AGBL4: variants seen among roughly 807,000 people sequenced by gnomAD.
AGBL4 encodes AGBL carboxypeptidase 4.
A neutral mutation model predicts 66.4 loss-of-function variants in AGBL4; 58 were observed. The observed-to-expected ratio is 0.87, with a 90% CI of 0.71 to 1.09. The LOEUF (loss-of-function observed/expected upper bound fraction) is 1.09, where lower values mean the gene tolerates loss of function less well. Ranked by LOEUF, AGBL4 falls within the 50% of genes least tolerant of loss-of-function variation. AGBL4 has a pLI of 0.00. For synonymous variants in AGBL4, 234 were observed against 222.9 expected (o/e 1.05, Z -0.44); for missense variants, 579 against 631.0 (o/e 0.92, Z 0.88).
chr1:49,415,454 A>G lies in AGBL4; in HGVS notation c.283-169590T>C, dbSNP rs189079777. On this transcript the variant is annotated intron_variant, in intron 3 of 13. Coordinates refer to ENST00000371839, the MANE Select transcript of AGBL4 (RefSeq NM_032785.4). ...TTAATTGGAGATGGTGTTAGAATAG[A>G]AAAAGCATTGAACTTCATATCAGGG... Among the ~76,000 whole-genome samples, 18 of 152,274 alleles carry G rather than the reference A, an allele frequency of 1.2e-4. No individual in the cohort carries two copies. In the East Asian group the frequency reaches 2.7e-3, roughly 23 times the overall value.
At chr1:49,477,126 G>A (rs1038736569) in intron 3 of AGBL4, among the ~76,000 whole-genome samples, 1 of 152,124 alleles carries the variant, frequency 6.6e-6, no homozygotes, top group Non-Finnish European at 1.5e-5. Flanking sequence ...CTGGACCCAT[G>A]CAGGGCCTTG....
intron 3 of AGBL4, among the ~76,000 whole-genome samples, chr1:49,499,888 C>G (rs1647973861): frequency 6.6e-6 from 1 of 151,814 alleles, no homozygotes; most frequent in Non-Finnish European, 1.5e-5. Context: ...GGTAGGTAAC[C>G]CAGTAGTGGG....
intron 3 of AGBL4, among the ~76,000 whole-genome samples, chr1:49,254,652 T>C (rs1161777515): frequency 6.6e-6 from 1 of 151,880 alleles, no homozygotes; most frequent in African/African-American, 2.4e-5. Flanking sequence ...TTCACAGAAC[T>C]AGAGAAAAAA....
chr1:49,112,858 C>A (rs1432028584), intron 4 of AGBL4, among the ~76,000 whole-genome samples: 6 of 152,174 alleles, frequency 3.9e-5, no homozygotes, highest in African/African-American at 1.4e-4. Flanking sequence ...TTGAACCCCT[C>A]ATAGCTATTC....
intron 3 of AGBL4, among the ~76,000 whole-genome samples, chr1:49,288,418 C>G (rs970951568): frequency 2.0e-5 from 3 of 150,254 alleles, no homozygotes; most frequent in African/African-American, 7.3e-5. Context: ...ATTCTAGATC[C>G]AACAGAGAGC....
chr1:49,026,855 T>C (rs1663737341), intron 5 of AGBL4, among the ~76,000 whole-genome samples: 1 of 152,224 alleles, frequency 6.6e-6, no homozygotes, highest in South Asian at 2.1e-4. Context: ...TTACATGTGA[T>C]TCATAAATAT....
chr1:49,752,674 G>A (rs2147841336), intron 2 of AGBL4, among the ~76,000 whole-genome samples: 1 of 152,276 alleles, frequency 6.6e-6, no homozygotes, highest in East Asian at 1.9e-4. Context: ...GGGTGTTAAA[G>A]TCTCTCACTA....
At chr1:49,382,498 A>G (rs1644641414) in intron 3 of AGBL4, among the ~76,000 whole-genome samples, 1 of 152,142 alleles carries the variant, frequency 6.6e-6, no homozygotes, top group South Asian at 2.1e-4. Flanking sequence ...CAAACTGGGA[A>G]TAGAAGGAAG....
intron 3 of AGBL4, among the ~76,000 whole-genome samples, chr1:49,509,342 G>A (rs1347173223): frequency 6.6e-6 from 1 of 151,934 alleles, no homozygotes; most frequent in Non-Finnish European, 1.5e-5. Flanking sequence ...GTCAGGGCCT[G>A]TATTGAGTAT....
At chr1:49,398,749 A>G (rs1645024190) in intron 3 of AGBL4, among the ~76,000 whole-genome samples, 2 of 152,100 alleles carry the variant, frequency 1.3e-5, no homozygotes, top group South Asian at 4.2e-4. Context: ...TTTGGGTTAC[A>G]TGAGATATTT....
chr1:49,593,793 T>A (rs1410965072), intron 3 of AGBL4, among the ~76,000 whole-genome samples: 3 of 152,168 alleles, frequency 2.0e-5, no homozygotes, highest in African/African-American at 7.2e-5. Context: ...AAAGAGTGCC[T>A]GGCACATAGT....
intron 3 of AGBL4, among the ~76,000 whole-genome samples, chr1:49,354,260 CA>C (rs1299862753): frequency 2.0e-5 from 3 of 152,200 alleles, no homozygotes; most frequent in African/African-American, 7.2e-5. Context: ...TCGCACATCC[CA>C]TGAGGGAGTT....
rs374339842 is a variant in AGBL4 at position 49,167,149 on chromosome 1, G to A, written c.377+78621C>T. Among the ~76,000 whole-genome samples, 515 of 152,132 alleles carry A rather than the reference G, an allele frequency of 3.4e-3. 1 individual carries two copies. The highest frequency in any genetic ancestry group is 6.0e-3 in the South Asian group (29 of 4,810). On this transcript the variant is annotated intron_variant, in intron 4 of 13. Coordinates refer to ENST00000371839, the MANE Select transcript of AGBL4 (RefSeq NM_032785.4). Reference sequence around the variant, plus strand: ...ATTCAGTAATTTCACATTGTCACCCGTATAAAATACAAGTTTCTTAACAAG... The same window carrying A: ...ATTCAGTAATTTCACATTGTCACCCATATAAAATACAAGTTTCTTAACAAG...
At chr1:49,306,263 T>A (rs1042844772) in intron 3 of AGBL4, among the ~76,000 whole-genome samples, 1 of 152,188 alleles carries the variant, frequency 6.6e-6, no homozygotes, top group Non-Finnish European at 1.5e-5. Context: ...ATATCCTTTA[T>A]GATAAAAGCT....
At chr1:49,899,096 A>C (rs889450486) in intron 1 of AGBL4, among the ~76,000 whole-genome samples, 3 of 152,174 alleles carry the variant, frequency 2.0e-5, no homozygotes, top group Admixed American at 6.5e-5. Context: ...ATAATAATCT[A>C]ATTGCACATT....
intron 1 of AGBL4, among the ~76,000 whole-genome samples, chr1:49,877,694 C>A (rs1455733517): frequency 2.0e-5 from 3 of 151,836 alleles, no homozygotes; most frequent in African/African-American, 7.3e-5. Flanking sequence ...AGGGAGGATT[C>A]CCTCTTTTTC....
At chr1:48,729,976 TG>T (rs1437571226) in intron 6 of AGBL4, among the ~76,000 whole-genome samples, 39 of 152,140 alleles carry the variant, frequency 2.6e-4, no homozygotes, top group Admixed American at 2.6e-3. Flanking sequence ...CTATTCCACC[TG>T]TCAGGGACCT....
chr1:49,514,991 T>A (rs1333574781), intron 3 of AGBL4, among the ~76,000 whole-genome samples: 2 of 152,052 alleles, frequency 1.3e-5, no homozygotes, highest in Admixed American at 1.3e-4. Flanking sequence ...GGACTTCATG[T>A]CTAAAACACC....
chr1:48,907,636 C>A (rs1418907448), intron 5 of AGBL4, among the ~76,000 whole-genome samples: 1 of 152,160 alleles, frequency 6.6e-6, no homozygotes, highest in Non-Finnish European at 1.5e-5. Flanking sequence ...TTCACATCTG[C>A]AATCTTTTGG....
Sources: gnomAD v4.1 joint callset for allele counts (sites outside exome capture counted in the v4.1 genomes callset) on GRCh38, gnomAD v4.1.1 for gene constraint, MANE v1.5 for transcripts, NCBI Gene and HGNC (gene_info 2026-07-23, HGNC 2026-07-21) for gene names.